DLGAP1: variants seen among roughly 807,000 people sequenced by gnomAD.
DLGAP1 encodes disks large-associated protein 1.
A neutral mutation model predicts 90.8 loss-of-function variants in DLGAP1; 11 were observed. That is an observed-to-expected ratio of 0.12 (90% CI 0.08 to 0.20). The LOEUF (loss-of-function observed/expected upper bound fraction) is 0.20, where lower values mean the gene tolerates loss of function less well. Among genes scored for constraint, DLGAP1 ranks in the 10% least tolerant of loss-of-function variants. The probability of loss-of-function intolerance (pLI) is 1.00; values close to 1 mark genes in which losing one functional copy is unlikely to be tolerated. For synonymous variants in DLGAP1, 558 were observed against 540.7 expected (o/e 1.03, Z -0.44); for missense variants, 1,050 against 1,333.8 (o/e 0.79, Z 3.31).
intron 3 of DLGAP1, among the ~76,000 whole-genome samples, chr18:3,967,636 C>T (rs2073357229): frequency 6.6e-6 from 1 of 152,188 alleles, no homozygotes; most frequent in Admixed American, 6.5e-5. Context: ...ACATTATAGT[C>T]TCTAAAGAGA....
intron 3 of DLGAP1, chr18:3,993,180 C>T (rs542262715): frequency 3.3e-5 from 5 of 151,412 alleles, no homozygotes; most frequent in African/African-American, 1.2e-4. Context: ...CCCTCTTGCA[C>T]CGGCGACTCA....
intron 1 of DLGAP1, among the ~76,000 whole-genome samples, chr18:4,155,757 C>T (rs1363597290): frequency 1.1e-4 from 17 of 152,058 alleles, no homozygotes; most frequent in Non-Finnish European, 5.9e-5. Context: ...AGGAGTGGAT[C>T]AAGGATGGCT....
At chr18:4,405,877 T>C (rs537608475) in intron 1 of DLGAP1, among the ~76,000 whole-genome samples, 98 of 152,228 alleles carry the variant, frequency 6.4e-4, no homozygotes, top group Non-Finnish European at 1.2e-3. Flanking sequence ...AACAAAGAAT[T>C]GGACAAAAAG....
intron 7 of DLGAP1, among the ~76,000 whole-genome samples, chr18:3,622,708 T>G (rs973426659): frequency 9.2e-5 from 14 of 152,220 alleles, no homozygotes; most frequent in Admixed American, 3.9e-4. Context: ...CTAACTTGGC[T>G]AGCGGAAAGA....
At chr18:4,386,202 T>C (rs2082227230) in intron 1 of DLGAP1, among the ~76,000 whole-genome samples, 1 of 152,186 alleles carries the variant, frequency 6.6e-6, no homozygotes, top group Non-Finnish European at 1.5e-5. Context: ...TCCTCATTTA[T>C]CATTTTGACA....
intron 7 of DLGAP1, among the ~76,000 whole-genome samples, chr18:3,728,376 T>C (rs2062274332): frequency 1.3e-5 from 2 of 150,910 alleles, no homozygotes; most frequent in Non-Finnish European, 2.9e-5. Flanking sequence ...GGTATATATA[T>C]GTTTCATATG....
intron 1 of DLGAP1, among the ~76,000 whole-genome samples, chr18:4,278,061 CTT>C (rs1047526926): frequency 6.6e-6 from 1 of 151,674 alleles, no homozygotes; most frequent in Non-Finnish European, 1.5e-5. Context: ...ACCTTTGGCT[CTT>C]TTTTATTATT....
intron 1 of DLGAP1, among the ~76,000 whole-genome samples, chr18:4,279,850 A>G (rs2079509137): frequency 6.6e-6 from 1 of 152,186 alleles, no homozygotes; most frequent in Non-Finnish European, 1.5e-5. Context: ...AACCATGCCA[A>G]CTAATTTTAT....
At chr18:3,577,671 C>G (rs2055238136) in intron 8 of DLGAP1, among the ~76,000 whole-genome samples, 1 of 152,222 alleles carries the variant, frequency 6.6e-6, no homozygotes, top group Non-Finnish European at 1.5e-5. Context: ...GTCCAAGCCT[C>G]ATCCCCACTG....
At chr18:4,234,893 C>T (rs1419498685) in intron 1 of DLGAP1, among the ~76,000 whole-genome samples, 2 of 152,136 alleles carry the variant, frequency 1.3e-5, no homozygotes, top group African/African-American at 4.8e-5. Flanking sequence ...AAAGGCATGT[C>T]ATAAAAAAAG....
intron 7 of DLGAP1, among the ~76,000 whole-genome samples, chr18:3,698,851 T>C (rs2147100952): frequency 6.6e-6 from 1 of 152,258 alleles, no homozygotes; most frequent in Middle Eastern, 3.4e-3. Flanking sequence ...TTTTCATTCT[T>C]TCTTCTCTAA....
intron 1 of DLGAP1, among the ~76,000 whole-genome samples, chr18:4,330,683 T>C (rs2080929090): frequency 1.3e-5 from 2 of 151,874 alleles, no homozygotes; most frequent in Non-Finnish European, 1.5e-5. Context: ...CAAGATACTC[T>C]TTTGTTATTG....
intron 1 of DLGAP1, among the ~76,000 whole-genome samples, chr18:4,196,119 G>A (rs1005787116): frequency 6.6e-6 from 1 of 152,162 alleles, no homozygotes; most frequent in African/African-American, 2.4e-5. Context: ...AAACACTGCT[G>A]AGCATCAAAA....
At chr18:3,715,657 C>T (rs1258624607) in intron 7 of DLGAP1, among the ~76,000 whole-genome samples, 1 of 152,140 alleles carries the variant, frequency 6.6e-6, no homozygotes, top group Non-Finnish European at 1.5e-5. Context: ...TATATTAGGT[C>T]GTGGCTGTGA....
At chr18:3,804,322 G>A (rs963398016) in intron 5 of DLGAP1, among the ~76,000 whole-genome samples, 2 of 152,150 alleles carry the variant, frequency 1.3e-5, no homozygotes, top group Non-Finnish European at 2.9e-5. Flanking sequence ...TAGTTAATGT[G>A]ATCATTGAAG....
At chr18:4,289,460 G>A (rs1235085249) in intron 1 of DLGAP1, among the ~76,000 whole-genome samples, 1 of 152,104 alleles carries the variant, frequency 6.6e-6, no homozygotes, top group African/African-American at 2.4e-5. Context: ...CTGAAAATAT[G>A]GTCAAAATCA....
At chr18:4,263,478 C>T (rs116211793) in intron 1 of DLGAP1, among the ~76,000 whole-genome samples, 3,327 of 152,040 alleles carry the variant, frequency 0.022, 125 homozygotes, top group African/African-American at 0.076. Context: ...AAATAAAATG[C>T]ATAATTTAAG....
chr18:4,316,283 TA>T (rs2080524717), intron 1 of DLGAP1, among the ~76,000 whole-genome samples: 1 of 152,116 alleles, frequency 6.6e-6, no homozygotes, highest in Non-Finnish European at 1.5e-5. Flanking sequence ...ATTAACTGTT[TA>T]AACTCTATAT....
intron 2 of DLGAP1, among the ~76,000 whole-genome samples, chr18:4,123,258 C>T (rs2076181179): frequency 6.6e-6 from 1 of 152,018 alleles, no homozygotes; most frequent in Non-Finnish European, 1.5e-5. Context: ...TGGGCCAGTT[C>T]ACTTCCTGCA....
Sources: gnomAD v4.1 joint callset for allele counts (sites outside exome capture counted in the v4.1 genomes callset) on GRCh38, gnomAD v4.1.1 for gene constraint, MANE v1.5 for transcripts, NCBI Gene and HGNC (gene_info 2026-07-23, HGNC 2026-07-21) for gene names.